The following PRKAR2B variants were observed in gnomAD, a reference collection of about 807,000 sequenced individuals.
The protein encoded by PRKAR2B is protein kinase cAMP-dependent type II regulatory subunit beta, also known as cAMP-dependent protein kinase type II-beta regulatory subunit.
In PRKAR2B, 14 loss-of-function variants were observed where a neutral mutation model predicts 49.9. The ratio of observed to expected loss-of-function variants is 0.28; its 90% CI spans 0.19 to 0.44. The LOEUF (loss-of-function observed/expected upper bound fraction) is 0.44, where lower values mean the gene tolerates loss of function less well. Ranked by LOEUF, PRKAR2B falls within the 20% of genes least tolerant of loss-of-function variation. The probability of loss-of-function intolerance (pLI) is 1.00; values close to 1 mark genes in which losing one functional copy is unlikely to be tolerated. For synonymous variants in PRKAR2B, 196 were observed against 197.7 expected (o/e 0.99, Z 0.07); for missense variants, 393 against 537.9 (o/e 0.73, Z 2.67).
At chr7:107,069,870 A>C (rs1017022550) in intron 1 of PRKAR2B, 1 of 153,676 alleles carries the variant, frequency 6.5e-6, no homozygotes, top group African/African-American at 2.4e-5. Flanking sequence ...TTATTCATAC[A>C]TTGCTCTTTC....
intron 5 of PRKAR2B, among the ~76,000 whole-genome samples, chr7:107,142,516 A>G (rs1795806222): frequency 6.6e-6 from 1 of 152,184 alleles, no homozygotes; most frequent in Non-Finnish European, 1.5e-5. Flanking sequence ...TTGACTTTCA[A>G]AACTGCCTTA....
chr7:107,065,342 G>GTT (rs1263949821), intron 1 of PRKAR2B, among the ~76,000 whole-genome samples: 2 of 130,354 alleles, frequency 1.5e-5, no homozygotes, highest in African/African-American at 5.9e-5. Context: ...GTGTGTGTGT[G>GTT]TGTGTGTGTG....
intron 1 of PRKAR2B, 180 bp from the exon 2 acceptor site, chr7:107,070,101 T>C: frequency 2.1e-6 from 1 of 474,928 alleles, no homozygotes; most frequent in East Asian, 3.6e-5. Flanking sequence ...TTTCAATTTA[T>C]ATTTATTTGA....
At chr7:107,092,627 GAA>G (rs1255158700) in intron 2 of PRKAR2B, among the ~76,000 whole-genome samples, 1 of 151,968 alleles carries the variant, frequency 6.6e-6, no homozygotes, top group Non-Finnish European at 1.5e-5. Context: ...GAAATTAAGA[GAA>G]GAGCAAAAAT....
At chr7:107,130,475 A>G (rs937333632) in intron 4 of PRKAR2B, among the ~76,000 whole-genome samples, 4 of 152,188 alleles carry the variant, frequency 2.6e-5, no homozygotes, top group South Asian at 4.1e-4. Context: ...ACTGCACTCC[A>G]GCCTGGGCAA....
intron 2 of PRKAR2B, among the ~76,000 whole-genome samples, chr7:107,107,619 G>A (rs1323386859): frequency 1.3e-5 from 2 of 151,728 alleles, no homozygotes; most frequent in Admixed American, 1.3e-4. Context: ...TGAATGGGTA[G>A]TGAAGTGATC....
At chr7:107,068,027 A>G (rs958363427) in intron 1 of PRKAR2B, among the ~76,000 whole-genome samples, 1 of 152,170 alleles carries the variant, frequency 6.6e-6, no homozygotes, top group Non-Finnish European at 1.5e-5. Context: ...GTTGTGCAGG[A>G]TTGTTGTGGA....
At chr7:107,116,083 T>A (rs546322122) in intron 2 of PRKAR2B, among the ~76,000 whole-genome samples, 2 of 152,358 alleles carry the variant, frequency 1.3e-5, no homozygotes, top group South Asian at 4.1e-4. Flanking sequence ...GCCAGTCTAA[T>A]CTGACATATG....
intron 1 of PRKAR2B, among the ~76,000 whole-genome samples, chr7:107,054,175 C>T (rs1276692348): frequency 1.3e-5 from 2 of 152,032 alleles, no homozygotes; most frequent in East Asian, 3.9e-4. Flanking sequence ...TGGTGAAACC[C>T]CGTCTCTACT....
At chr7:107,157,358 G>T in intron 10 of PRKAR2B, 34 bp downstream of exon 10, 1 of 1,590,240 alleles carries the variant, frequency 6.3e-7, no homozygotes, top group Non-Finnish European at 8.6e-7. Context: ...GCTTCTGCTG[G>T]TTGAACTTAT....
intron 2 of PRKAR2B, among the ~76,000 whole-genome samples, chr7:107,107,935 C>A (rs569615182): frequency 6.9e-6 from 1 of 144,810 alleles, no homozygotes; most frequent in South Asian, 2.1e-4. Flanking sequence ...GGATTACAGG[C>A]GTGAGATGCT....
At chr7:107,045,321 C>T (rs1196376224) in intron 1 of PRKAR2B, 107 bp downstream of exon 1, 2 of 951,630 alleles carry the variant, frequency 2.1e-6, no homozygotes, top group Admixed American at 3.1e-5. Context: ...CCTCTCCCCG[C>T]ATTCTCCACC....
chr7:107,045,821 T>C (rs1001875100), intron 1 of PRKAR2B, among the ~76,000 whole-genome samples: 5 of 152,210 alleles, frequency 3.3e-5, no homozygotes, highest in African/African-American at 1.2e-4. Flanking sequence ...TTGTGTTATT[T>C]TTGGACACGT....
chr7:107,094,319 T>C (rs1469923263), intron 2 of PRKAR2B, among the ~76,000 whole-genome samples: 1 of 152,258 alleles, frequency 6.6e-6, no homozygotes, highest in Non-Finnish European at 1.5e-5. Flanking sequence ...TTTTGAGAAG[T>C]GTCTGTTCAT....
At chr7:107,138,355 G>T (rs558828047) in intron 4 of PRKAR2B, among the ~76,000 whole-genome samples, 1 of 152,168 alleles carries the variant, frequency 6.6e-6, no homozygotes, top group Non-Finnish European at 1.5e-5. Flanking sequence ...GATATGTGGA[G>T]TATGTCTATA....
At chr7:107,151,881 A>C (rs1308081102) in intron 7 of PRKAR2B, among the ~76,000 whole-genome samples, 1 of 152,206 alleles carries the variant, frequency 6.6e-6, no homozygotes, top group Non-Finnish European at 1.5e-5. Flanking sequence ...ATCATTAATC[A>C]AGCCACTGTA....
chr7:107,057,227 A>G (rs1294235874), intron 1 of PRKAR2B, among the ~76,000 whole-genome samples: 2 of 152,254 alleles, frequency 1.3e-5, no homozygotes, highest in East Asian at 3.9e-4. Flanking sequence ...TCTCTTTAAG[A>G]TTGAAATGGA....
intron 2 of PRKAR2B, among the ~76,000 whole-genome samples, chr7:107,084,976 A>G (rs1000271993): frequency 1.6e-4 from 24 of 152,194 alleles, no homozygotes; most frequent in African/African-American, 5.5e-4. Context: ...TAGTACAGGT[A>G]TATACGTAAG....
At chr7:107,142,046 A>G (rs1026027540) in intron 5 of PRKAR2B, among the ~76,000 whole-genome samples, 2 of 152,150 alleles carry the variant, frequency 1.3e-5, no homozygotes, top group African/African-American at 2.4e-5. Flanking sequence ...ATAAGTGTTC[A>G]TGAGACAATT....
Sources: allele counts gnomAD v4.1 joint callset (sites outside exome capture counted in the v4.1 genomes callset), GRCh38; gene constraint gnomAD v4.1.1; transcripts MANE v1.5; gene names NCBI Gene and HGNC (gene_info 2026-07-23, HGNC 2026-07-21).